PSMC2: variants seen among roughly 807,000 people sequenced by gnomAD.
The protein encoded by PSMC2 is 26S proteasome regulatory subunit 7.
In PSMC2, 7 loss-of-function variants were observed where a neutral mutation model predicts 53.3. The observed-to-expected ratio is 0.13, with a 90% CI of 0.07 to 0.25. PSMC2 has a LOEUF of 0.25. Among genes scored for constraint, PSMC2 ranks in the 10% least tolerant of loss-of-function variants. PSMC2 has a pLI of 1.00. For missense variants in PSMC2, 241 were observed against 544.0 expected (o/e 0.44, Z 5.54); for synonymous variants, 169 against 183.9 (o/e 0.92, Z 0.66).
chr7:103,352,775 A>T, intron 1 of PSMC2: 1 of 769,910 alleles, frequency 1.3e-6, no homozygotes, highest in Non-Finnish European at 2.4e-6. Context: ...AACAAAGTTC[A>T]GAAGTGTTAA....
At chr7:103,363,683 G>C (rs187833846) in intron 7 of PSMC2, among the ~76,000 whole-genome samples, 87 of 152,290 alleles carry the variant, frequency 5.7e-4, no homozygotes, top group African/African-American at 2.0e-3. Flanking sequence ...AGGAGGCACA[G>C]TGTAACCTTT....
At position 103,364,134 on chromosome 7, in the gene PSMC2, C is replaced by T. The variant is rs778150181; in HGVS notation, c.592-9C>T. 103 of 1,611,582 alleles carry T rather than the reference C, an allele frequency of 6.4e-5. No homozygotes were observed. The highest frequency in any genetic ancestry group is 8.4e-5 in the Non-Finnish European group (99 of 1,179,210). On this transcript the variant is annotated splice_polypyrimidine_tract_variant and intron_variant, in intron 7 of 11. Coordinates refer to ENST00000292644, the MANE Select transcript of PSMC2 (RefSeq NM_002803.4). ...AGTGGTAAGTGTGAAAATTGTGTCT[C>T]TATCACAGCCAGAGAGGTTTGTGAA...
intron 6 of PSMC2, 29 bp downstream of exon 6, chr7:103,362,787 GCTATGT>G: frequency 7.2e-7 from 1 of 1,390,104 alleles, no homozygotes; most frequent in Non-Finnish European, 1.0e-6. Flanking sequence ...GAAAAGGAAG[GCTATGT>G]CTTTTTTTTT....
At chr7:103,352,675 T>C in intron 1 of PSMC2, 1 of 567,850 alleles carries the variant, frequency 1.8e-6, no homozygotes. Context: ...ATTACAAGTG[T>C]GAGCCACAGC....
chr7:103,362,880 G>C (rs1820494869), intron 6 of PSMC2, 122 bp downstream of exon 6: 1 of 712,722 alleles, frequency 1.4e-6, no homozygotes, highest in South Asian at 1.8e-5. Context: ...TGCAACCTCT[G>C]CCTCCCGGGT....
In PSMC2 at chr7:103,364,163, T is replaced by C; in HGVS notation, c.612T>C (p.Leu204=). Residue 204 remains leucine, a synonymous_variant, in exon 8 of 12, where the codon CTT becomes CTC. Transcript: ENST00000292644. ...CACAGCCAGAGAGGTTTGTGAACCT[T>C]GGCATTGAGCCTCCCAAGGGCGTGC... The part of the protein sequence containing the change: ...PLLHPERFVN[L]GIEPPKGVLL... The C allele has an allele frequency of 6.2e-7, 1 of 1,614,060 alleles. No homozygotes were observed. The highest frequency in any genetic ancestry group is 8.5e-7 in the Non-Finnish European group (1 of 1,180,002).
At chr7:103,361,615 T>A (rs1399690741) in intron 4 of PSMC2, among the ~76,000 whole-genome samples, 2 of 150,128 alleles carry the variant, frequency 1.3e-5, no homozygotes, top group East Asian at 3.9e-4. Flanking sequence ...AAGATGACCA[T>A]CTTTTTGTAG....
At position 103,367,339 on chromosome 7, in the gene PSMC2, T is replaced by C. The variant is rs1820768361; in HGVS notation, c.845-74T>C. On this transcript the variant is annotated intron_variant, in intron 9 of 11. Coordinates refer to ENST00000292644, the MANE Select transcript of PSMC2 (RefSeq NM_002803.4). This position sits in a 1 kb window ranked among gnomAD's most constrained non-coding sequence, Gnocchi z 6.1. ...AGGACATGATTTGAGCTGAGATTTT[T>C]GGTACTTTCAGGTCATGCATAGTGC... The C allele has an allele frequency of 8.5e-6, 12 of 1,411,734 alleles. No individual in the cohort carries two copies. Among genetic ancestry groups the C allele is most frequent in the Middle Eastern group, 2.5e-4 (1 of 4,036 alleles). 87.5% of individuals were successfully genotyped at this position (1,411,734 alleles called of 1,614,324 possible).
At chr7:103,352,246 A>AAAAAAAAAAT (rs71110832) in intron 1 of PSMC2, among the ~76,000 whole-genome samples, 1 of 127,578 alleles carries the variant, frequency 7.8e-6, no homozygotes, top group Non-Finnish European at 1.6e-5. Flanking sequence ...AAAAAAAAAA[A>AAAAAAAAAAT]GACCTGCCGT....
At chr7:103,352,070 G>T (rs2116123552) in intron 1 of PSMC2, among the ~76,000 whole-genome samples, 1 of 151,724 alleles carries the variant, frequency 6.6e-6, no homozygotes, top group East Asian at 1.9e-4. Context: ...CCTCATTCTA[G>T]AATTTATGGT....
chr7:103,358,762 C>T (rs867612361), intron 4 of PSMC2, among the ~76,000 whole-genome samples: 4 of 151,848 alleles, frequency 2.6e-5, no homozygotes, highest in African/African-American at 7.3e-5. Flanking sequence ...TTTTCTAGGC[C>T]GTATGAGGGG....
In PSMC2 at chr7:103,367,808, T is replaced by A. The variant is rs761222875; in HGVS notation, c.1143T>A (p.Thr381=). The stretch of plus-strand genomic sequence containing the variant: ...TAGCACGACTGTGTCCAAATAGCAC[T>A]GGTAAGTAGAAAGTTCTTGCTTATA... ...ELLARLCPNS[T]GAEIRSVCTE... The change falls in exon 11 of 12, where the codon ACT becomes ACA. Residue 381 remains threonine (T), a splice_region_variant and synonymous_variant. Transcript: ENST00000292644. The surrounding 1 kb of genome is among the most constrained non-coding windows in gnomAD (Gnocchi z 6.1). The A allele has an allele frequency of 8.1e-6, 13 of 1,613,060 alleles. No individual in the cohort carries two copies. Among genetic ancestry groups the A allele is most frequent in the Non-Finnish European group, 1.0e-5 (12 of 1,179,408 alleles).
Position 103,367,781 on chromosome 7 carries a change from G to A in PSMC2, c.1116G>A (p.Leu372=), listed in dbSNP as rs768163090. 6.2e-7 allele frequency: 1 copy of A among 1,613,840 alleles called. No individual in the cohort carries two copies. Among genetic ancestry groups the A allele is most frequent in the Non-Finnish European group, 8.5e-7 (1 of 1,179,814 alleles). ...MSVERDIRFE[L]LARLCPNSTG... The stretch of plus-strand genomic sequence containing the variant: ...TTGAAAGAGATATCAGATTTGAACT[G>A]TTAGCACGACTGTGTCCAAATAGCA... Residue 372 remains leucine (L), a synonymous_variant, in exon 11 of 12, where the codon CTG becomes CTA. Transcript: ENST00000292644. This position sits in a 1 kb window ranked among gnomAD's most constrained non-coding sequence, Gnocchi z 6.1.
At chr7:103,349,013 C>T (rs1228627394) in intron 1 of PSMC2, among the ~76,000 whole-genome samples, 1 of 152,212 alleles carries the variant, frequency 6.6e-6, no homozygotes, top group African/African-American at 2.4e-5. Context: ...GAGATATGCA[C>T]ACCAGTTTTG....
intron 1 of PSMC2, among the ~76,000 whole-genome samples, chr7:103,349,225 C>T (rs1819674295): frequency 6.6e-6 from 1 of 152,188 alleles, no homozygotes. Flanking sequence ...TTTCTACCTT[C>T]ATCTCATTCT....
intron 3 of PSMC2, 124 bp downstream of exon 3, chr7:103,355,073 C>A: frequency 1.4e-6 from 1 of 704,750 alleles, no homozygotes; most frequent in Non-Finnish European, 2.4e-6. Context: ...TTCTTCCTTT[C>A]TGTTAAGAAA....
At chr7:103,357,102 G>T (rs969264700) in intron 4 of PSMC2, among the ~76,000 whole-genome samples, 4 of 152,132 alleles carry the variant, frequency 2.6e-5, no homozygotes, top group African/African-American at 9.7e-5. Flanking sequence ...CAGGCAGGCA[G>T]ATGACTTGAG....
chr7:103,354,175 A>G (rs1356254045), intron 2 of PSMC2, among the ~76,000 whole-genome samples: 1 of 152,202 alleles, frequency 6.6e-6, no homozygotes, highest in East Asian at 1.9e-4. Context: ...TATAGAATAG[A>G]TCAAAGTATT....
At chr7:103,354,048 G>T in intron 2 of PSMC2, 90 bp downstream of exon 2, 1 of 1,014,576 alleles carries the variant, frequency 9.9e-7, no homozygotes, top group Non-Finnish European at 1.4e-6. Context: ...ATTAGAAGAA[G>T]TTAAGAAACC....
Sources: gnomAD v4.1 joint callset for allele counts (sites outside exome capture counted in the v4.1 genomes callset) on GRCh38, gnomAD v4.1.1 for gene constraint, Gnocchi (gnomAD v3.1) non-coding constraint, MANE v1.5 for transcripts, NCBI Gene and HGNC (gene_info 2026-07-23, HGNC 2026-07-21) for gene names.